The following MAD1L1 variants were observed in gnomAD, a reference collection of about 807,000 sequenced individuals.
The protein encoded by MAD1L1 is mitotic spindle assembly checkpoint protein MAD1.
Under a neutral mutation model 96.9 loss-of-function variants are expected in MAD1L1, and 95 were observed. That is an observed-to-expected ratio of 0.98 (90% confidence interval 0.83 to 1.16). The LOEUF is 1.16. Among genes scored for constraint, MAD1L1 ranks in the 50% most tolerant of loss-of-function variants. The pLI is 0.00. For missense variants in MAD1L1, 1,007 were observed against 954.4 expected (o/e 1.06, Z -0.73); for synonymous variants, 473 against 396.6 (o/e 1.19, Z -2.29).
chr7:1,820,083 G>C (rs1782045363), intron 18 of MAD1L1, among the ~76,000 whole-genome samples: 1 of 152,248 alleles, frequency 6.6e-6, no homozygotes, highest in East Asian at 1.9e-4. Context: ...GCGTGAAGAG[G>C]TGGAGGCCAC....
intron 16 of MAD1L1, among the ~76,000 whole-genome samples, chr7:1,937,283 T>C (rs1379710199): frequency 6.6e-6 from 1 of 152,122 alleles, no homozygotes; most frequent in African/African-American, 2.4e-5. Flanking sequence ...TGGGAGCCCG[T>C]GTGGCCATGT....
rs200341241 is a variant in MAD1L1, at chr7:2,008,471, CCT to C, written c.1359+6029_1359+6030del. ...CCAGGCCCTGGCCACAGCGTCCTCA[CCT>C]CTGAGACAAGAGCTCCCCAAGCTCA... is the stretch of plus-strand genomic sequence containing the variant. On this transcript the variant is annotated intron_variant, in intron 13 of 18. Coordinates refer to ENST00000265854, the MANE Select transcript of MAD1L1 (RefSeq NM_001013836.2). 5.6e-3 allele frequency among the ~76,000 whole-genome samples: 860 copies of C among 152,366 alleles called. 2 individuals are homozygous for C. Among genetic ancestry groups the C allele is most frequent in the South Asian group, 0.018 (88 of 4,830 alleles).
intron 18 of MAD1L1, among the ~76,000 whole-genome samples, chr7:1,885,393 C>A (rs1279698971): frequency 6.6e-6 from 1 of 152,184 alleles, no homozygotes; most frequent in African/African-American, 2.4e-5. Flanking sequence ...GAGGGCTTAA[C>A]GAGGGCTTTG....
chr7:2,002,058 G>T lies in MAD1L1; in HGVS notation c.1416+7C>A. Reference sequence around the variant, plus strand: ...CTGAATCCCAGCCACTCCCGCGTCTGACTCACCATGTCTGCTCTTTGTTTC... The same window carrying T: ...CTGAATCCCAGCCACTCCCGCGTCTTACTCACCATGTCTGCTCTTTGTTTC... On this transcript the variant is annotated splice_region_variant and intron_variant, in intron 14 of 18. Transcript: ENST00000265854. 6.2e-7 allele frequency: 1 copy of T among 1,613,132 alleles called. No individual in the cohort carries two copies. The highest frequency in any genetic ancestry group is 1.1e-5 in the South Asian group (1 of 91,080).
chr7:2,193,912 A>C (rs1035627150), intron 10 of MAD1L1, among the ~76,000 whole-genome samples: 1 of 151,250 alleles, frequency 6.6e-6, no homozygotes, highest in African/African-American at 2.4e-5. Flanking sequence ...AGCTGCAGGG[A>C]AAAGGCAGCA....
intron 11 of MAD1L1, among the ~76,000 whole-genome samples, chr7:2,124,288 G>A (rs112486025): frequency 1.3e-5 from 2 of 152,172 alleles, no homozygotes; most frequent in African/African-American, 4.8e-5. Flanking sequence ...CCAGGGGCAC[G>A]AGGGCTCCAA....
At chr7:2,181,301 T>C (rs960294153) in intron 10 of MAD1L1, among the ~76,000 whole-genome samples, 1 of 152,286 alleles carries the variant, frequency 6.6e-6, no homozygotes, top group African/African-American at 2.4e-5. Context: ...CTGCCAGCTG[T>C]AGTTGTTTTT....
intron 17 of MAD1L1, among the ~76,000 whole-genome samples, chr7:1,903,497 C>A (rs1255730149): frequency 2.4e-5 from 2 of 82,864 alleles, no homozygotes; most frequent in East Asian, 4.0e-4. Flanking sequence ...CAAGATTGAT[C>A]AAGCACTGTT....
intron 11 of MAD1L1, among the ~76,000 whole-genome samples, chr7:2,102,442 C>T (rs1396251406): frequency 6.0e-5 from 5 of 83,416 alleles, no homozygotes; most frequent in Admixed American, 2.8e-4. Flanking sequence ...CCCTCACCAC[C>T]ACTGCTACTG....
intron 10 of MAD1L1, among the ~76,000 whole-genome samples, chr7:2,174,111 T>C (rs964090026): frequency 1.6e-4 from 24 of 152,202 alleles, no homozygotes; most frequent in Non-Finnish European, 2.9e-5. Flanking sequence ...TGAAGCACCA[T>C]GCCTGGCCAG....
intron 18 of MAD1L1, among the ~76,000 whole-genome samples, chr7:1,836,961 G>T (rs557732793): frequency 9.2e-5 from 14 of 152,274 alleles, no homozygotes; most frequent in African/African-American, 3.1e-4. Context: ...TAAAAGACGG[G>T]TAAGTTAGAC....
intron 10 of MAD1L1, among the ~76,000 whole-genome samples, chr7:2,198,908 G>A (rs752453904): frequency 4.6e-5 from 7 of 152,222 alleles, no homozygotes; most frequent in African/African-American, 9.6e-5. Context: ...CCAGCCACTC[G>A]GAGGACACAC....
At chr7:2,152,392 T>A (rs912810899) in intron 10 of MAD1L1, among the ~76,000 whole-genome samples, 1 of 152,106 alleles carries the variant, frequency 6.6e-6, no homozygotes, top group Non-Finnish European at 1.5e-5. Context: ...CCAGAAGGAA[T>A]CCCTCCCTTC....
rs781163924 is a variant in MAD1L1, at chr7:2,164,158, C to CA, written c.987-14921dup. Among the ~76,000 whole-genome samples, 6 of 152,306 alleles carry CA rather than the reference C, an allele frequency of 3.9e-5. No individual in the cohort carries two copies. In the East Asian group the frequency reaches 9.7e-4, roughly 25 times the overall value. ...CTTGTATAACGAACCGCTGTATAAA[C>CA]AGAGACTACAAGATCAGAAATAAAT... On this transcript the variant is annotated intron_variant, in intron 10 of 18. Coordinates refer to ENST00000265854, the MANE Select transcript of MAD1L1 (RefSeq NM_001013836.2).
chr7:1,976,575 G>C (rs1009093590), intron 15 of MAD1L1, among the ~76,000 whole-genome samples: 1 of 152,236 alleles, frequency 6.6e-6, no homozygotes, highest in African/African-American at 2.4e-5. Context: ...TGCGAAGAGT[G>C]AAAGAACAAA....
chr7:1,980,486 A>C lies in MAD1L1; in HGVS notation c.1472T>G (p.Phe491Cys). The C allele has an allele frequency of 6.2e-7, 1 of 1,613,010 alleles. No homozygotes were observed. The highest frequency in any genetic ancestry group is 8.5e-7 in the Non-Finnish European group (1 of 1,179,724). The change falls in exon 15 of 19, where the codon TTC becomes TGC. Residue 491 changes from phenylalanine (F) to cysteine (C), a missense_variant. By Grantham distance (205) the Phe-to-Cys change is radical (BLOSUM62 -2). Transcript: ENST00000265854. ...GTCCGCCTCCTCCCTGGAGAACAGG[A>C]AGCTCTGTTCGGCAGAGCTGGACTG... is the stretch of plus-strand genomic sequence containing the variant. ...KSQSSSAEQS[F>C]LFSREEADTL...
rs1214529864 is a variant in MAD1L1 at position 1,968,886 on chromosome 7, G to C, written c.1506-11167C>G. 2.0e-5 allele frequency among the ~76,000 whole-genome samples: 3 copies of C among 152,364 alleles called. No individual in the cohort carries two copies. In the East Asian group the frequency reaches 5.8e-4, roughly 29 times the overall value. ...ACGACTAAAATCAACACGGTGCCCTGGCTGCAACATGCAGGAAAGCCTGGT... is the reference window on the plus strand; with the variant it reads ...ACGACTAAAATCAACACGGTGCCCTCGCTGCAACATGCAGGAAAGCCTGGT... On this transcript the variant is annotated intron_variant, in intron 15 of 18. Transcript: ENST00000265854. This position sits in a 1 kb window ranked among gnomAD's most constrained non-coding sequence, Gnocchi z 5.6.
chr7:2,171,216 A>G (rs1790690596), intron 10 of MAD1L1, among the ~76,000 whole-genome samples: 1 of 152,094 alleles, frequency 6.6e-6, no homozygotes. Flanking sequence ...AGCGAAGGGC[A>G]CTCTCATTCT....
intron 15 of MAD1L1, among the ~76,000 whole-genome samples, chr7:1,963,674 C>T (rs1217344426): frequency 6.6e-6 from 1 of 152,202 alleles, no homozygotes; most frequent in African/African-American, 2.4e-5. Flanking sequence ...CTTCCGGAGG[C>T]GAGGCTGCTG....
Sources: gnomAD v4.1 joint callset for allele counts (sites outside exome capture counted in the v4.1 genomes callset) on GRCh38, gnomAD v4.1.1 for gene constraint, Gnocchi (gnomAD v3.1) non-coding constraint, MANE v1.5 for transcripts, NCBI Gene and HGNC (gene_info 2026-07-23, HGNC 2026-07-21) for gene names.